Variants in DEPTOR observed in about 807,000 individuals in gnomAD.
DEPTOR encodes DEP domain-containing mTOR-interacting protein.
A neutral mutation model predicts 41.6 loss-of-function variants in DEPTOR; 41 were observed. The ratio of observed to expected loss-of-function variants is 0.98; its 90% CI spans 0.77 to 1.28. DEPTOR has a LOEUF of 1.28. Among genes scored for constraint, DEPTOR ranks in the 50% most tolerant of loss-of-function variants. DEPTOR has a pLI of 0.00. For synonymous variants in DEPTOR, 195 were observed against 192.3 expected (o/e 1.01, Z -0.12); for missense variants, 514 against 527.9 (o/e 0.97, Z 0.26).
chr8:119,876,819 T>A (rs181006858), intron 1 of DEPTOR, among the ~76,000 whole-genome samples: 1 of 152,318 alleles, frequency 6.6e-6, no homozygotes, highest in Admixed American at 6.5e-5. Context: ...TCTGAGTCTC[T>A]GTTTCCACAT....
chr8:120,018,577 A>C (rs1812647889), intron 8 of DEPTOR, among the ~76,000 whole-genome samples: 1 of 152,154 alleles, frequency 6.6e-6, no homozygotes, highest in Non-Finnish European at 1.5e-5. Flanking sequence ...AGACTGACTC[A>C]AAAGAAAAAA....
At chr8:119,915,780 C>T (rs1356265674) in intron 1 of DEPTOR, among the ~76,000 whole-genome samples, 1 of 152,036 alleles carries the variant, frequency 6.6e-6, no homozygotes, top group African/African-American at 2.4e-5. Context: ...TTCCAGCAAA[C>T]CTCGCAGTAG....
At chr8:119,889,301 C>G (rs1049289845) in intron 1 of DEPTOR, among the ~76,000 whole-genome samples, 3 of 151,790 alleles carry the variant, frequency 2.0e-5, no homozygotes, top group African/African-American at 7.3e-5. Context: ...GATCCCAGCA[C>G]TTTGGGAGGC....
chr8:119,906,382 A>G (rs898253545), intron 1 of DEPTOR, among the ~76,000 whole-genome samples: 2 of 151,854 alleles, frequency 1.3e-5, no homozygotes, highest in African/African-American at 4.8e-5. Context: ...CTTGAGCCCA[A>G]CTGGTGGAGG....
At chr8:119,941,121 C>A (rs1828197727) in intron 3 of DEPTOR, among the ~76,000 whole-genome samples, 1 of 152,054 alleles carries the variant, frequency 6.6e-6, no homozygotes, top group South Asian at 2.1e-4. Context: ...TGCCTGTAAT[C>A]CCAGCACTTT....
chr8:120,010,093 C>G (rs967711976), intron 8 of DEPTOR, among the ~76,000 whole-genome samples: 1 of 152,102 alleles, frequency 6.6e-6, no homozygotes, highest in African/African-American at 2.4e-5. Flanking sequence ...AGATCTAGAT[C>G]TCGGTCCTGT....
chr8:120,002,791 A>ATATATATAT (rs1554584639), intron 5 of DEPTOR, among the ~76,000 whole-genome samples, 186 bp from the exon 6 acceptor site: 4 of 60,674 alleles, frequency 6.6e-5, no homozygotes, highest in South Asian at 4.7e-4. Context: ...AAAAAAAAAA[A>ATATATATAT]ATATATATAT....
intron 1 of DEPTOR, among the ~76,000 whole-genome samples, chr8:119,904,125 G>T (rs1229007069): frequency 2.7e-5 from 4 of 146,728 alleles, no homozygotes; most frequent in African/African-American, 1.0e-4. Context: ...TCTTTTTTTT[G>T]TTTTTTTTTT....
At chr8:119,918,300 C>G (rs920863194) in intron 1 of DEPTOR, among the ~76,000 whole-genome samples, 1 of 152,200 alleles carries the variant, frequency 6.6e-6, no homozygotes, top group Non-Finnish European at 1.5e-5. Context: ...ATTGCAGTGA[C>G]AAGACACAGA....
chr8:119,929,910 T>C lies in DEPTOR; in HGVS notation c.397T>C (p.Phe133Leu), dbSNP rs200822602. The C allele has an allele frequency of 1.2e-6, 2 of 1,613,730 alleles. No individual in the cohort carries two copies. Among genetic ancestry groups the C allele is most frequent in the African/African-American group, 2.7e-5 (2 of 75,024 alleles). Reference protein sequence around the residue: ...TFPLDNEVKAFMRGQRLYEKL... With the variant: ...TFPLDNEVKALMRGQRLYEKL... Reference sequence around the variant, plus strand: ...CCCATTGGATAATGAAGTGAAGGCCTTTATGAGAGGACAGAGGCTATATGA... The same window carrying C: ...CCCATTGGATAATGAAGTGAAGGCCCTTATGAGAGGACAGAGGCTATATGA... Residue 133 changes from phenylalanine to leucine, a missense_variant, in exon 3 of 9, where the codon TTT becomes CTT. Phe to Leu is a conservative substitution (Grantham distance 22). Transcript: ENST00000286234.
chr8:119,910,794 C>T (rs1827726557), intron 1 of DEPTOR, among the ~76,000 whole-genome samples: 1 of 152,072 alleles, frequency 6.6e-6, no homozygotes. Flanking sequence ...AATCACAGTA[C>T]CAAGTGTATT....
At chr8:119,916,185 C>T (rs1325319258) in intron 1 of DEPTOR, among the ~76,000 whole-genome samples, 2 of 151,942 alleles carry the variant, frequency 1.3e-5, no homozygotes, top group African/African-American at 2.4e-5. Context: ...CTGCAACCTC[C>T]ACCTTCTGGG....
At chr8:120,045,191 A>G (rs1813135924) in intron 8 of DEPTOR, among the ~76,000 whole-genome samples, 1 of 152,176 alleles carries the variant, frequency 6.6e-6, no homozygotes, top group Admixed American at 6.5e-5. Flanking sequence ...TGCTCTGGAC[A>G]GCATGTGGGA....
intron 3 of DEPTOR, among the ~76,000 whole-genome samples, chr8:119,955,429 A>G (rs1268280546): frequency 6.6e-6 from 1 of 151,698 alleles, no homozygotes; most frequent in Non-Finnish European, 1.5e-5. Context: ...TTAGCTCTTA[A>G]TGTTTAGTTC....
chr8:119,979,450 A>G (rs1828735373), intron 4 of DEPTOR, among the ~76,000 whole-genome samples: 1 of 151,722 alleles, frequency 6.6e-6, no homozygotes, highest in Non-Finnish European at 1.5e-5. Flanking sequence ...TTTCATAGAG[A>G]CAGGGTTTTG....
In DEPTOR at chr8:119,922,231, C is replaced by A. The variant is rs1827907015; in HGVS notation, c.123-6169C>A. Among the ~76,000 whole-genome samples, 9 of 135,204 alleles carry A rather than the reference C, an allele frequency of 6.7e-5. No individual in the cohort carries two copies. The South Asian group carries it at 2.0e-3, about 30-fold the overall frequency. The allele number at this position is 135,204 out of a possible 152,430, so 88.7% of individuals were successfully genotyped here. ...TCCAGCCTGGGCAACAAGAGTGAAA[C>A]TGTCTCAAAAAAAAAAAAAAAGATA... On this transcript the variant is annotated intron_variant, in intron 1 of 8. Coordinates refer to ENST00000286234, the MANE Select transcript of DEPTOR (RefSeq NM_022783.4).
At chr8:119,918,652 G>A (rs1254601759) in intron 1 of DEPTOR, among the ~76,000 whole-genome samples, 2 of 152,084 alleles carry the variant, frequency 1.3e-5, no homozygotes, top group Non-Finnish European at 2.9e-5. Context: ...GTAGAGACGG[G>A]GTTTCACCAT....
At chr8:119,968,792 TG>T (rs1363374089) in intron 4 of DEPTOR, among the ~76,000 whole-genome samples, 2 of 152,126 alleles carry the variant, frequency 1.3e-5, no homozygotes, top group Non-Finnish European at 2.9e-5. Context: ...GTGGGATGAC[TG>T]GGGTTTTCCC....
At chr8:119,953,002 T>G (rs2129931316) in intron 3 of DEPTOR, among the ~76,000 whole-genome samples, 1 of 152,332 alleles carries the variant, frequency 6.6e-6, no homozygotes, top group African/African-American at 2.4e-5. Context: ...CAAATTATTA[T>G]GAAAATTATA....
Sources: allele counts gnomAD v4.1 joint callset (sites outside exome capture counted in the v4.1 genomes callset), GRCh38; gene constraint gnomAD v4.1.1; transcripts MANE v1.5; gene names NCBI Gene and HGNC (gene_info 2026-07-23, HGNC 2026-07-21).